WWC1: variants seen among roughly 807,000 people sequenced by gnomAD.
WWC1 encodes protein KIBRA.
Under a neutral mutation model 138.4 loss-of-function variants are expected in WWC1, and 55 were observed. The ratio of observed to expected loss-of-function variants is 0.40; its 90% CI spans 0.32 to 0.50. The LOEUF (loss-of-function observed/expected upper bound fraction) is 0.50. WWC1 is among the 20% of genes least tolerant of loss of function. The pLI, the probability that WWC1 is intolerant of heterozygous loss-of-function variation, is 0.72. For synonymous variants in WWC1, 524 were observed against 564.9 expected, an observed-to-expected ratio of 0.93 and a Z score of 1.03; for missense variants, 1,226 against 1,420.4, an observed-to-expected ratio of 0.86 and a Z score of 2.20.
intron 1 of WWC1, among the ~76,000 whole-genome samples, chr5:168,332,002 C>T (rs892077277): frequency 6.6e-6 from 1 of 151,960 alleles, no homozygotes; most frequent in Non-Finnish European, 1.5e-5. Context: ...AAAAATTAGC[C>T]GGGCGTGGTG....
chr5:168,441,507 G>C lies in WWC1; in HGVS notation c.2281-175G>C, dbSNP rs536895357. Reference sequence around the variant, plus strand: ...TGATTAAACCAATCAATCAATGAATGAATGAACAAATGAGCTAATTGGAAA... The same window carrying C: ...TGATTAAACCAATCAATCAATGAATCAATGAACAAATGAGCTAATTGGAAA... On this transcript the variant is annotated intron_variant, in intron 15 of 22. Transcript: ENST00000265293. Among the ~76,000 whole-genome samples, 6 of 152,274 alleles carry C rather than the reference G, an allele frequency of 3.9e-5. No homozygotes were observed. The East Asian group carries it at 1.2e-3, about 29-fold the overall frequency.
chr5:168,370,149 T>G (rs974663892), intron 1 of WWC1, among the ~76,000 whole-genome samples: 1 of 152,114 alleles, frequency 6.6e-6, no homozygotes, highest in Non-Finnish European at 1.5e-5. Flanking sequence ...TCCACCCACC[T>G]CAGCCTCCCA....
At chr5:168,335,985 C>T (rs1773421804) in intron 1 of WWC1, among the ~76,000 whole-genome samples, 1 of 152,172 alleles carries the variant, frequency 6.6e-6, no homozygotes, top group Non-Finnish European at 1.5e-5. Context: ...GTCCTCGTTT[C>T]CTCATCTATA....
At chr5:168,368,505 A>T (rs1199472974) in intron 1 of WWC1, among the ~76,000 whole-genome samples, 1 of 152,130 alleles carries the variant, frequency 6.6e-6, no homozygotes, top group Non-Finnish European at 1.5e-5. Context: ...TCTATATAAG[A>T]TTCATACCTC....
At chr5:168,434,978 C>G (rs779485509) in intron 15 of WWC1, among the ~76,000 whole-genome samples, 1 of 152,196 alleles carries the variant, frequency 6.6e-6, no homozygotes, top group African/African-American at 2.4e-5. Flanking sequence ...CTCTCCACCC[C>G]CTCCTCTCCA....
chr5:168,310,630 T>A (rs1485589120), intron 1 of WWC1, among the ~76,000 whole-genome samples: 1 of 150,860 alleles, frequency 6.6e-6, no homozygotes. Context: ...AGCCCAGGGG[T>A]TCAAGACCAG....
At chr5:168,457,463 G>T (rs1287459250) in intron 19 of WWC1, among the ~76,000 whole-genome samples, 1 of 152,118 alleles carries the variant, frequency 6.6e-6, no homozygotes, top group Non-Finnish European at 1.5e-5. Context: ...CCAGCTCCGC[G>T]TGTCTCAGTC....
intron 15 of WWC1, among the ~76,000 whole-genome samples, chr5:168,433,547 G>T (rs1252867830): frequency 2.0e-5 from 3 of 151,954 alleles, no homozygotes; most frequent in Non-Finnish European, 4.4e-5. Flanking sequence ...TGCATTATCT[G>T]TTTTTTTTAT....
chr5:168,376,280 C>A (rs1777158840), intron 2 of WWC1, among the ~76,000 whole-genome samples: 1 of 143,504 alleles, frequency 7.0e-6, no homozygotes, highest in Non-Finnish European at 1.5e-5. Flanking sequence ...TTTCAAACTC[C>A]TGACCGCAGG....
chr5:168,329,879 G>T (rs1398322541), intron 1 of WWC1, among the ~76,000 whole-genome samples: 1 of 152,202 alleles, frequency 6.6e-6, no homozygotes, highest in African/African-American at 2.4e-5. Context: ...GGAGGCTGAG[G>T]CAGGCGGATC....
rs879455950 is a variant in WWC1, at chr5:168,339,833, T to TCTTTCTTTCTTTCTTTCTTTC, written c.120-31591_120-31590insCTTTCTTTCTTTCTTTCTTTC. Among the ~76,000 whole-genome samples the TCTTTCTTTCTTTCTTTCTTTC allele has an allele frequency of 7.0e-3, 177 of 25,120 alleles. 1 individual carries two copies. Among genetic ancestry groups the TCTTTCTTTCTTTCTTTCTTTC allele is most frequent in the African/African-American group, 0.017 (171 of 10,080 alleles). 16.5% of individuals were successfully genotyped at this position (25,120 alleles called of 152,430 possible). The stretch of plus-strand genomic sequence containing the variant: ...TTCTTTCTTTCTTTCTTTCTTTCTT[T>TCTTTCTTTCTTTCTTTCTTTC]TTCTTTTCTTTCTTTCTTTCTCTCT... On this transcript the variant is annotated intron_variant, in intron 1 of 22. Coordinates refer to ENST00000265293, the MANE Select transcript of WWC1 (RefSeq NM_015238.3).
At chr5:168,432,497 G>A (rs567923689) in intron 15 of WWC1, among the ~76,000 whole-genome samples, 1 of 152,340 alleles carries the variant, frequency 6.6e-6, no homozygotes, top group South Asian at 2.1e-4. Flanking sequence ...ACTCGGGCTT[G>A]TGATGTACAA....
At chr5:168,378,766 A>G (rs1009315103) in intron 2 of WWC1, among the ~76,000 whole-genome samples, 2 of 152,224 alleles carry the variant, frequency 1.3e-5, no homozygotes, top group Admixed American at 6.5e-5. Flanking sequence ...GACTTTTGAT[A>G]CATATATCAT....
At chr5:168,414,858 T>G (rs1582214073) in intron 9 of WWC1, 3 of 473,168 alleles carry the variant, frequency 6.3e-6, no homozygotes, top group East Asian at 7.3e-5. Context: ...ATCTTCTGAC[T>G]CAATTAAGCC....
intron 8 of WWC1, 136 bp downstream of exon 8, chr5:168,410,131 CT>C: frequency 3.4e-6 from 3 of 880,850 alleles, no homozygotes; most frequent in South Asian, 3.2e-5. Context: ...AGTTATTATA[CT>C]TTTTATATTT....
intron 17 of WWC1, among the ~76,000 whole-genome samples, chr5:168,451,878 C>G (rs991380091): frequency 2.7e-5 from 4 of 148,164 alleles, no homozygotes; most frequent in African/African-American, 9.9e-5. Flanking sequence ...GGCAAAATCA[C>G]TTTGGAGAAG....
chr5:168,324,210 C>T (rs958867430), intron 1 of WWC1, among the ~76,000 whole-genome samples: 11 of 152,098 alleles, frequency 7.2e-5, no homozygotes, highest in African/African-American at 2.2e-4. Flanking sequence ...CTGAGGCGAG[C>T]GGATCATGAC....
Position 168,326,216 on chromosome 5 carries a change from C to CTTTTTTTTTTTTTTTTTTTTTTT in WWC1, c.119+33963_119+33964insTTTTTTTTTTTTTTTTTTTTTTT, listed in dbSNP as rs796347858. Among the ~76,000 whole-genome samples, 50 of 113,266 alleles carry CTTTTTTTTTTTTTTTTTTTTTTT rather than the reference C, an allele frequency of 4.4e-4. 2 individuals carry two copies. Among genetic ancestry groups the CTTTTTTTTTTTTTTTTTTTTTTT allele is most frequent in the African/African-American group, 1.7e-3 (49 of 29,146 alleles). The allele number at this position is 113,266 out of a possible 152,430, so 74.3% of individuals were successfully genotyped here. A position where few individuals can be genotyped will look rare whatever the true frequency, so the allele number is the denominator to read the frequency against. The stretch of plus-strand genomic sequence containing the variant: ...TGGCTCAGGACACCGACCTGATAGT[C>CTTTTTTTTTTTTTTTTTTTTTTT]TTTTTTTTTTTTTTTTTTGGGACGG... On this transcript the variant is annotated intron_variant, in intron 1 of 22. Transcript: ENST00000265293.
At chr5:168,458,786 T>C (rs1292030447) in intron 19 of WWC1, among the ~76,000 whole-genome samples, 1 of 152,218 alleles carries the variant, frequency 6.6e-6, no homozygotes, top group Non-Finnish European at 1.5e-5. Context: ...TGCATTAAAG[T>C]GTCTTTATAT....
Sources: gnomAD v4.1 joint callset for allele counts (sites outside exome capture counted in the v4.1 genomes callset) on GRCh38, gnomAD v4.1.1 for gene constraint, MANE v1.5 for transcripts, NCBI Gene and HGNC (gene_info 2026-07-23, HGNC 2026-07-21) for gene names.